Variants in PTCH1 observed in about 807,000 individuals in gnomAD.
PTCH1 encodes the protein patched 1.
In PTCH1, 14 loss-of-function variants were observed where a neutral mutation model predicts 144.6. That is an observed-to-expected ratio of 0.10 (90% CI 0.06 to 0.15). The LOEUF (loss-of-function observed/expected upper bound fraction) is 0.15. PTCH1 is among the 10% of genes least tolerant of loss of function. The pLI is 1.00. For missense variants in PTCH1, 1,623 were observed against 1,948.3 expected (o/e 0.83, Z 3.14); for synonymous variants, 833 against 793.6 (o/e 1.05, Z -0.83).
At chr9:95,473,538 T>G (rs1242304902) in intron 12 of PTCH1, among the ~76,000 whole-genome samples, 7 of 147,518 alleles carry the variant, frequency 4.7e-5, no homozygotes, top group Non-Finnish European at 8.9e-5. Flanking sequence ...GCATTTTCTA[T>G]CCTATTTTTT....
At chr9:95,486,628 C>A (rs1841982493) in intron 2 of PTCH1, among the ~76,000 whole-genome samples, 1 of 152,266 alleles carries the variant, frequency 6.6e-6, no homozygotes, top group South Asian at 2.1e-4. Context: ...TGCCTCACAC[C>A]AACCCAGCTT....
chr9:95,447,554 A>G, intron 22 of PTCH1, 103 bp from the exon 23 acceptor site: 1 of 1,305,790 alleles, frequency 7.7e-7, no homozygotes, highest in Non-Finnish European at 1.0e-6. Flanking sequence ...GACTCAGTCA[A>G]CCCTGGGGAG....
chr9:95,466,992 A>C, intron 15 of PTCH1, 124 bp downstream of exon 15: 2 of 1,114,844 alleles, frequency 1.8e-6, no homozygotes, highest in Non-Finnish European at 2.6e-6. Flanking sequence ...AGCAACTCTT[A>C]AAAGTCCATG....
chr9:95,478,034 G>A lies in PTCH1; in HGVS notation c.1347+21C>T, dbSNP rs764970419. ...AACCAAACCAAACTCCAGCCCCCAG[G>A]AGCATGGCATCGAGCGTTACCATGA... On this transcript the variant is annotated intron_variant, in intron 9 of 23. Coordinates refer to ENST00000331920, the MANE Select transcript of PTCH1 (RefSeq NM_000264.5). The A allele has an allele frequency of 7.7e-5, 125 of 1,613,968 alleles. 1 individual carries two copies. Among genetic ancestry groups the A allele is most frequent in the Non-Finnish European group, 1.0e-4 (123 of 1,180,014 alleles).
intron 20 of PTCH1, chr9:95,453,053 G>C: frequency 3.1e-6 from 1 of 320,102 alleles, no homozygotes. Flanking sequence ...AAGTTCAAAA[G>C]AAAGCAGAGT....
intron 2 of PTCH1, among the ~76,000 whole-genome samples, chr9:95,496,101 A>G (rs1488371774): frequency 6.6e-6 from 1 of 152,222 alleles, no homozygotes; most frequent in African/African-American, 2.4e-5. Context: ...CAGCTGGAAC[A>G]CAATACTTTC....
At position 95,472,364 on chromosome 9, in the gene PTCH1, G is replaced by A. The variant is rs975462406; in HGVS notation, c.1729-2433C>T. On this transcript the variant is annotated intron_variant, in intron 12 of 23. Transcript: ENST00000331920. Reference sequence around the variant, plus strand: ...CAAGCCCCTAGCTCAGCTGAGAACCGGGAGTTTTGTGAGATCTGGTCCCTT... The same window carrying A: ...CAAGCCCCTAGCTCAGCTGAGAACCAGGAGTTTTGTGAGATCTGGTCCCTT... Among the ~76,000 whole-genome samples, 3 of 142,020 alleles carry A rather than the reference G, an allele frequency of 2.1e-5. No homozygotes were observed. In the East Asian group the frequency reaches 5.8e-4, roughly 28 times the overall value. 93.2% of individuals were successfully genotyped at this position (142,020 alleles called of 152,430 possible).
chr9:95,516,775 A>C, exon 1 of PTCH1: 1 of 1,612,792 alleles, frequency 6.2e-7, no homozygotes, highest in Non-Finnish European at 8.5e-7. Context: ...GGCGGAGTGC[A>C]GCGCGGACTC....
intron 13 of PTCH1, 112 bp from the exon 14 acceptor site, chr9:95,469,265 T>C: frequency 7.2e-7 from 1 of 1,395,258 alleles, no homozygotes; most frequent in Non-Finnish European, 1.0e-6. Context: ...AGCTCTGACT[T>C]AGGAGAGAAA....
chr9:95,479,852 G>A (rs918596622), intron 7 of PTCH1, 117 bp downstream of exon 7: 66 of 1,523,610 alleles, frequency 4.3e-5, no homozygotes, highest in Non-Finnish European at 5.5e-5. Context: ...CACCTGGCTA[G>A]CGAGGATAAC....
At chr9:95,506,374 C>CG (rs775521212) in intron 2 of PTCH1, 33 bp downstream of exon 2, 3 of 1,604,054 alleles carry the variant, frequency 1.9e-6, no homozygotes, top group East Asian at 4.5e-5. Flanking sequence ...GGGACCGGGC[C>CG]GGGGGCGCGG....
At chr9:95,465,912 C>T (rs1023137736) in intron 15 of PTCH1, among the ~76,000 whole-genome samples, 9 of 152,172 alleles carry the variant, frequency 5.9e-5, no homozygotes, top group Non-Finnish European at 1.3e-4. Flanking sequence ...AATAAATGAA[C>T]AGATGTTCCT....
chr9:95,468,482 G>A (rs1198325958), intron 14 of PTCH1, among the ~76,000 whole-genome samples: 4 of 152,188 alleles, frequency 2.6e-5, no homozygotes, highest in Non-Finnish European at 4.4e-5. Flanking sequence ...ACAGGCATGA[G>A]CCACCGCAAG....
Position 95,469,144 on chromosome 9 carries a change from G to T in PTCH1, c.1857C>A (p.Val619=). The T allele has an allele frequency of 6.2e-7, 1 of 1,614,154 alleles. No individual in the cohort carries two copies. Among genetic ancestry groups the T allele is most frequent in the Non-Finnish European group, 8.5e-7 (1 of 1,180,042 alleles). Residue 619 remains valine (V), a synonymous_variant, in exon 14 of 24, where the codon GTC becomes GTA. Transcript: ENST00000331920. The part of the protein sequence containing the change: ...DIFCCFTSPC[V]SRVIQVEPQA... ...GAGGTTCAACCTGAATCACTCTGCT[G>T]ACGCAGGGGCTGAAAGGAGGGGAAA...
At chr9:95,477,301 G>A (rs1841124791) in intron 10 of PTCH1, among the ~76,000 whole-genome samples, 1 of 152,174 alleles carries the variant, frequency 6.6e-6, no homozygotes, top group Admixed American at 6.5e-5. Flanking sequence ...CCTGGTCAAT[G>A]ACATACATTC....
At chr9:95,502,911 G>A (rs1721973296) in intron 2 of PTCH1, among the ~76,000 whole-genome samples, 1 of 152,126 alleles carries the variant, frequency 6.6e-6, no homozygotes, top group Admixed American at 6.5e-5. Context: ...TTTGCTGGCT[G>A]TATTAAAAAG....
intron 10 of PTCH1, among the ~76,000 whole-genome samples, 185 bp from the exon 11 acceptor site, chr9:95,477,042 C>T (rs908189952): frequency 1.3e-5 from 2 of 152,226 alleles, no homozygotes; most frequent in South Asian, 2.1e-4. Flanking sequence ...AGATCCTGCA[C>T]GTTTCTACTT....
In PTCH1 at chr9:95,444,053, ATACTG is replaced by A. The variant is rs1837674304; in HGVS notation, c.*2335_*2339del. 1 of 152,608 alleles carries A rather than the reference ATACTG, an allele frequency of 6.6e-6. No individual in the cohort carries two copies. The highest frequency in any genetic ancestry group is 2.1e-4 in the South Asian group (1 of 4,834). 9.5% of individuals were successfully genotyped at this position (152,608 alleles called of 1,614,324 possible). The stretch of plus-strand genomic sequence containing the variant: ...TTTTTGTTATAAACTGGCATGACAA[ATACTG>A]TAGAGGAAAACATTCTTATGATACA... On this transcript the variant is annotated 3_prime_UTR_variant, in exon 24 of 24. Transcript: ENST00000331920.
intron 2 of PTCH1, 120 bp downstream of exon 2, chr9:95,506,287 G>T: frequency 8.5e-7 from 1 of 1,179,408 alleles, no homozygotes; most frequent in Non-Finnish European, 1.2e-6. Flanking sequence ...CAATCCCCCG[G>T]GTGCGGGCAG....
Sources: gnomAD v4.1 joint callset for allele counts (sites outside exome capture counted in the v4.1 genomes callset) on GRCh38, gnomAD v4.1.1 for gene constraint, MANE v1.5 for transcripts, NCBI Gene and HGNC (gene_info 2026-07-23, HGNC 2026-07-21) for gene names.